Variants in GRK3 observed in about 807,000 individuals in gnomAD.
GRK3 encodes the protein G protein-coupled receptor kinase 3.
In GRK3, 54 loss-of-function variants were observed where a neutral mutation model predicts 95.7. The observed-to-expected ratio is 0.56, with a 90% CI of 0.45 to 0.71. GRK3 has a LOEUF of 0.71. Ranked by LOEUF, GRK3 falls within the 30% of genes least tolerant of loss-of-function variation. The pLI, the probability that GRK3 is intolerant of heterozygous loss-of-function variation, is 0.00. For missense variants in GRK3, 649 were observed against 851.2 expected, an observed-to-expected ratio of 0.76 and a Z score of 2.96; for synonymous variants, 281 against 290.8, an observed-to-expected ratio of 0.97 and a Z score of 0.34.
chr22:25,581,636 T>C (rs1004448286), intron 1 of GRK3, among the ~76,000 whole-genome samples: 8 of 151,604 alleles, frequency 5.3e-5, no homozygotes, highest in Admixed American at 6.6e-5. Context: ...AGGCTTGCTA[T>C]AGAAGGATGA....
chr22:25,686,026 C>G (rs1218978988), intron 10 of GRK3, among the ~76,000 whole-genome samples: 1 of 151,768 alleles, frequency 6.6e-6, no homozygotes, highest in East Asian at 1.9e-4. Context: ...TCGAGACCAT[C>G]CTGGCTAACA....
intron 2 of GRK3, among the ~76,000 whole-genome samples, chr22:25,614,756 A>G (rs1317763940): frequency 6.6e-6 from 1 of 152,262 alleles, no homozygotes; most frequent in African/African-American, 2.4e-5. Flanking sequence ...CTATATAATA[A>G]TACTAAAATC....
chr22:25,603,682 A>T (rs1160813198), intron 1 of GRK3, among the ~76,000 whole-genome samples: 1 of 152,208 alleles, frequency 6.6e-6, no homozygotes, highest in Admixed American at 6.5e-5. Flanking sequence ...TATTGATGTC[A>T]TAGATAAATT....
chr22:25,588,887 G>C lies in GRK3; in HGVS notation c.114-15490G>C, dbSNP rs538195968. ...GGGCTCAAGTAATTCTCCTACCTCA[G>C]CCTCCTGAGTAACTGAGACTACAGG... On this transcript the variant is annotated intron_variant, in intron 1 of 20. Transcript: ENST00000324198. Among the ~76,000 whole-genome samples the C allele has an allele frequency of 2.0e-5, 3 of 151,256 alleles. No individual in the cohort carries two copies. The South Asian group carries it at 6.3e-4, about 32-fold the overall frequency.
At chr22:25,697,343 A>G (rs751191836) in intron 13 of GRK3, among the ~76,000 whole-genome samples, 23 of 152,240 alleles carry the variant, frequency 1.5e-4, no homozygotes, top group Non-Finnish European at 2.1e-4. Context: ...AAATGAATTC[A>G]GTCTTATTTG....
chr22:25,595,070 A>C (rs2084363220), intron 1 of GRK3, among the ~76,000 whole-genome samples: 1 of 152,164 alleles, frequency 6.6e-6, no homozygotes, highest in South Asian at 2.1e-4. Context: ...TATCATATTG[A>C]ATGAGCAAAA....
rs112201367 is a variant in GRK3 at position 25,691,820 on chromosome 22, C to A, written c.1052+1537C>A. On this transcript the variant is annotated intron_variant, in intron 12 of 20. Transcript: ENST00000324198. ...CTATAATTCACATGTCAGCTCTGAA[C>A]GGTGGGCTGTTCTTTTGCCTGCTCT... Among the ~76,000 whole-genome samples, 6 of 152,242 alleles carry A rather than the reference C, an allele frequency of 3.9e-5. No homozygotes were observed. In the South Asian group the frequency reaches 1.2e-3, roughly 32 times the overall value.
At chr22:25,693,606 G>T (rs998549567) in intron 12 of GRK3, among the ~76,000 whole-genome samples, 35 of 152,090 alleles carry the variant, frequency 2.3e-4, no homozygotes, top group African/African-American at 8.0e-4. Flanking sequence ...CAGAATGCTG[G>T]ATTTGCCCTG....
chr22:25,678,379 C>T (rs915958264), intron 8 of GRK3, among the ~76,000 whole-genome samples: 1 of 152,040 alleles, frequency 6.6e-6, no homozygotes, highest in East Asian at 1.9e-4. Context: ...GGTGTGAACC[C>T]GGAAGGTGGA....
intron 2 of GRK3, among the ~76,000 whole-genome samples, chr22:25,639,680 C>T (rs1203921959): frequency 6.6e-6 from 1 of 152,038 alleles, no homozygotes; most frequent in Non-Finnish European, 1.5e-5. Context: ...ATTTTCGAAT[C>T]AGCTTGTCAG....
chr22:25,572,696 G>A (rs1284900011), intron 1 of GRK3, among the ~76,000 whole-genome samples: 1 of 152,162 alleles, frequency 6.6e-6, no homozygotes, highest in Non-Finnish European at 1.5e-5. Context: ...TTGCAAGCCT[G>A]CTACTTAAAT....
At chr22:25,601,066 CG>C (rs1386764403) in intron 1 of GRK3, among the ~76,000 whole-genome samples, 2 of 152,094 alleles carry the variant, frequency 1.3e-5, no homozygotes, top group African/African-American at 4.8e-5. Context: ...TTTTAGTTGA[CG>C]GTTTCAACAC....
At chr22:25,579,761 C>T (rs908969735) in intron 1 of GRK3, among the ~76,000 whole-genome samples, 5 of 151,848 alleles carry the variant, frequency 3.3e-5, no homozygotes, top group South Asian at 2.1e-4. Flanking sequence ...AGTGGGCCAC[C>T]GAGCCTGGCC....
intron 1 of GRK3, among the ~76,000 whole-genome samples, chr22:25,571,995 T>C (rs1378886011): frequency 2.6e-5 from 4 of 152,136 alleles, no homozygotes; most frequent in Non-Finnish European, 5.9e-5. Context: ...CTCCCAATGC[T>C]ATCCCTACCC....
chr22:25,678,868 A>T lies in GRK3; in HGVS notation c.700A>T (p.Thr234Ser). ...KKRIKMKQGETLALNERIMLS... is the reference protein window; with the variant it reads ...KKRIKMKQGESLALNERIMLS... ...GAGGATCAAAATGAAACAAGGAGAA[A>T]CATTAGCCTTAAATGAAAGAATCAT... The change falls in exon 9 of 21, where the codon ACA becomes TCA. Residue 234 changes from threonine (T) to serine (S), a missense_variant. By Grantham distance (58) the Thr-to-Ser change is moderately conservative. Transcript: ENST00000324198. The T allele has an allele frequency of 1.2e-6, 2 of 1,609,570 alleles. No homozygotes were observed. The highest frequency in any genetic ancestry group is 1.7e-6 in the Non-Finnish European group (2 of 1,177,222).
At chr22:25,623,361 G>C (rs16980512) in intron 2 of GRK3, among the ~76,000 whole-genome samples, 2 of 152,064 alleles carry the variant, frequency 1.3e-5, no homozygotes, top group Non-Finnish European at 2.9e-5. Flanking sequence ...AATTCCCGCC[G>C]TGTAAGCCCC....
chr22:25,707,972 T>C (rs750977722), intron 15 of GRK3, among the ~76,000 whole-genome samples: 1 of 152,100 alleles, frequency 6.6e-6, no homozygotes, highest in Non-Finnish European at 1.5e-5. Flanking sequence ...GCGCAGTGGC[T>C]CACGCCTGTA....
intron 17 of GRK3, among the ~76,000 whole-genome samples, chr22:25,711,752 A>G (rs2085345597): frequency 6.6e-6 from 1 of 152,044 alleles, no homozygotes. Flanking sequence ...TCAAGCTCTC[A>G]CCTACCCCCA....
chr22:25,660,859 GGTTAGA>G (rs1225197809), intron 3 of GRK3, among the ~76,000 whole-genome samples: 1 of 152,184 alleles, frequency 6.6e-6, no homozygotes, highest in Admixed American at 6.5e-5. Flanking sequence ...TCTGTTATCA[GGTTAGA>G]GCATTGGGAG....
Sources: allele counts gnomAD v4.1 joint callset (sites outside exome capture counted in the v4.1 genomes callset), GRCh38; gene constraint gnomAD v4.1.1; transcripts MANE v1.5; gene names NCBI Gene and HGNC (gene_info 2026-07-23, HGNC 2026-07-21).